RAB3B: variants seen among roughly 807,000 people sequenced by gnomAD.
RAB3B encodes RAB3B, member RAS oncogene family.
RAB3B carries 11 observed loss-of-function variants against 20.5 expected under a neutral mutation model. The observed-to-expected ratio is 0.54, with a 90% CI of 0.34 to 0.89. The LOEUF is 0.89. RAB3B is among the 40% of genes least tolerant of loss of function. The probability of loss-of-function intolerance (pLI) is 0.02; values close to 1 mark genes in which losing one functional copy is unlikely to be tolerated. For synonymous variants in RAB3B, 99 were observed against 106.3 expected, an observed-to-expected ratio of 0.93 and a Z score of 0.42; for missense variants, 225 against 280.9, an observed-to-expected ratio of 0.80 and a Z score of 1.42.
In RAB3B at chr1:51,943,204, C is replaced by T. The variant is rs1340304387; in HGVS notation, c.229-5792G>A. 3.9e-5 allele frequency among the ~76,000 whole-genome samples: 6 copies of T among 152,004 alleles called. 1 individual carries two copies. Among genetic ancestry groups the T allele is most frequent in the Admixed American group, 2.0e-4 (3 of 15,256 alleles). On this transcript the variant is annotated intron_variant, in intron 2 of 4. Coordinates refer to ENST00000371655, the MANE Select transcript of RAB3B (RefSeq NM_002867.4). ...GTTGAGACCAGCCTGGTCAACATGG[C>T]GAAATCCTGTCTCTACTAAAAATAC...
chr1:51,946,930 GT>G lies in RAB3B; in HGVS notation c.229-9519del, dbSNP rs561300018. The stretch of plus-strand genomic sequence containing the variant: ...TCAGACTGAGATTCAAACCTGGTCT[GT>G]CTGATTCCAAAGCTTGTGCTGTTTC... On this transcript the variant is annotated intron_variant, in intron 2 of 4. Transcript: ENST00000371655. Among the ~76,000 whole-genome samples the G allele has an allele frequency of 6.8e-4, 104 of 152,336 alleles. 1 individual carries two copies. In the South Asian group the frequency reaches 0.019, roughly 29 times the overall value.
Position 51,937,357 on chromosome 1 carries a change from GC to G in RAB3B, c.283del (p.Ala95ProfsTer6). On this transcript the variant is annotated frameshift_variant, in exon 3 of 5. Transcript: ENST00000371655. LOFTEE classifies it high-confidence loss of function. ...GTCATACATCAGAATGAAGCCCATG[GC>G]CCCACGGTAATAGGCTGTTGTGATG... is the stretch of plus-strand genomic sequence containing the variant. ...RTITTAYYRGAMGFILMYDIT... is the reference protein window; with the variant it reads ...RTITTAYYRGXMGFILMYDIT... 6.2e-7 allele frequency: 1 copy of G among 1,613,594 alleles called. No individual in the cohort carries two copies. The highest frequency in any genetic ancestry group is 8.5e-7 in the Non-Finnish European group (1 of 1,179,758).
intron 4 of RAB3B, among the ~76,000 whole-genome samples, chr1:51,931,323 C>A (rs992317846): frequency 1.3e-5 from 2 of 152,152 alleles, no homozygotes; most frequent in Non-Finnish European, 2.9e-5. Flanking sequence ...GTTCTCTGAT[C>A]CCAGGAGAAT....
chr1:51,946,218 C>T (rs1684562196), intron 2 of RAB3B, among the ~76,000 whole-genome samples: 2 of 152,088 alleles, frequency 1.3e-5, no homozygotes, highest in Admixed American at 6.6e-5. Context: ...ATAGTAAGTG[C>T]TGCTATTACT....
intron 2 of RAB3B, among the ~76,000 whole-genome samples, chr1:51,955,774 T>C (rs1213929127): frequency 6.6e-6 from 1 of 151,622 alleles, no homozygotes; most frequent in Non-Finnish European, 1.5e-5. Flanking sequence ...GCAAGAGGAG[T>C]TCAGAGACTT....
chr1:51,979,840 G>A (rs1240439553), intron 1 of RAB3B, among the ~76,000 whole-genome samples: 1 of 151,234 alleles, frequency 6.6e-6, no homozygotes, highest in Non-Finnish European at 1.5e-5. Context: ...TCAGGAGATC[G>A]AGACCATCCT....
At chr1:51,952,182 C>T (rs187453788) in intron 2 of RAB3B, among the ~76,000 whole-genome samples, 58 of 152,326 alleles carry the variant, frequency 3.8e-4, no homozygotes, top group Non-Finnish European at 3.4e-4. Context: ...ATCCTCAGAA[C>T]ACTCACAGTC....
At chr1:51,947,681 C>T (rs932559355) in intron 2 of RAB3B, among the ~76,000 whole-genome samples, 9 of 152,178 alleles carry the variant, frequency 5.9e-5, no homozygotes, top group African/African-American at 2.2e-4. Context: ...GGTCGTCACA[C>T]ATGCCACATT....
chr1:51,933,196 G>T, intron 4 of RAB3B, 122 bp downstream of exon 4: 1 of 1,056,968 alleles, frequency 9.5e-7, no homozygotes, highest in Non-Finnish European at 1.4e-6. Flanking sequence ...GATCACATAG[G>T]TACATAATTC....
chr1:51,942,735 G>T (rs1386618631), intron 2 of RAB3B, among the ~76,000 whole-genome samples: 1 of 152,050 alleles, frequency 6.6e-6, no homozygotes, highest in Non-Finnish European at 1.5e-5. Flanking sequence ...TGCAGATATT[G>T]CATTTTTTAC....
At chr1:51,965,646 C>CAA (rs68111431) in intron 2 of RAB3B, among the ~76,000 whole-genome samples, 2 of 115,414 alleles carry the variant, frequency 1.7e-5, no homozygotes. Context: ...GGCTCCATCT[C>CAA]AAAAAAAAAA....
At chr1:51,984,329 ACAT>A (rs1685126575) in intron 1 of RAB3B, among the ~76,000 whole-genome samples, 1 of 148,000 alleles carries the variant, frequency 6.8e-6, no homozygotes, top group African/African-American at 2.5e-5. Flanking sequence ...CTCTAAAAAA[ACAT>A]CATTTCAGTT....
At chr1:51,981,826 T>C (rs1685092681) in intron 1 of RAB3B, among the ~76,000 whole-genome samples, 1 of 152,192 alleles carries the variant, frequency 6.6e-6, no homozygotes, top group African/African-American at 2.4e-5. Flanking sequence ...TTGATGCTGG[T>C]GTAAACAAAC....
chr1:51,910,175 T>G lies in RAB3B; in HGVS notation c.*9752A>C, dbSNP rs892807271. 9 of 152,188 alleles carry G rather than the reference T, an allele frequency of 5.9e-5. No homozygotes were observed. The highest frequency in any genetic ancestry group is 1.3e-4 in the Admixed American group (2 of 15,256). The allele number at this position is 152,188 out of a possible 1,614,324, so 9.4% of individuals were successfully genotyped here. A position where few individuals can be genotyped will look rare whatever the true frequency, so the allele number is the denominator to read the frequency against. On this transcript the variant is annotated 3_prime_UTR_variant, in exon 5 of 5. Coordinates refer to ENST00000371655, the MANE Select transcript of RAB3B (RefSeq NM_002867.4). ...TTAACTATTCTGCCTTATGACCTTC[T>G]GAAACCTCATCCTGTGGTCTGATGT...
intron 2 of RAB3B, among the ~76,000 whole-genome samples, chr1:51,964,662 T>C (rs1684824290): frequency 6.6e-6 from 1 of 152,154 alleles, no homozygotes; most frequent in Non-Finnish European, 1.5e-5. Flanking sequence ...ATCTCCAAAC[T>C]TCTAGTCGCT....
At chr1:51,926,993 C>G (rs374660787) in intron 4 of RAB3B, among the ~76,000 whole-genome samples, 1 of 152,162 alleles carries the variant, frequency 6.6e-6, no homozygotes, top group Admixed American at 6.5e-5. Flanking sequence ...GATAATGCAG[C>G]CTTCTGTGCT....
chr1:51,960,780 G>A (rs1250304996), intron 2 of RAB3B, among the ~76,000 whole-genome samples: 1 of 152,154 alleles, frequency 6.6e-6, no homozygotes, highest in African/African-American at 2.4e-5. Context: ...TGATGACTCC[G>A]CCTTGTAAGT....
intron 1 of RAB3B, among the ~76,000 whole-genome samples, chr1:51,985,849 T>TAA (rs562172384): frequency 1.3e-4 from 16 of 122,306 alleles, no homozygotes; most frequent in Admixed American, 5.0e-4. Flanking sequence ...ATCTTACAGG[T>TAA]AAAAAAAAAA....
intron 4 of RAB3B, among the ~76,000 whole-genome samples, chr1:51,932,553 C>T (rs749281886): frequency 1.1e-4 from 16 of 152,130 alleles, no homozygotes; most frequent in Non-Finnish European, 2.1e-4. Flanking sequence ...GTCAGGACAC[C>T]GATGAGCTAC....
Sources: allele counts gnomAD v4.1 joint callset (sites outside exome capture counted in the v4.1 genomes callset), GRCh38; gene constraint gnomAD v4.1.1; transcripts MANE v1.5; gene names NCBI Gene and HGNC (gene_info 2026-07-23, HGNC 2026-07-21).